Variants in CNR2 observed in about 807,000 individuals in gnomAD.
The protein encoded by CNR2 is cannabinoid receptor 2.
For synonymous variants in CNR2, 172 were observed against 182.2 expected, an observed-to-expected ratio of 0.94 and a Z score of 0.45; for missense variants, 379 against 439.9, an observed-to-expected ratio of 0.86 and a Z score of 1.24.
At chr1:23,904,237 A>T (rs1190626194) in intron 1 of CNR2, among the ~76,000 whole-genome samples, 1 of 142,762 alleles carries the variant, frequency 7.0e-6, no homozygotes. Context: ...CAGTGGTGCG[A>T]TCTCGGCTCA....
chr1:23,895,177 C>T (rs1004988623), intron 1 of CNR2, among the ~76,000 whole-genome samples: 8 of 49,386 alleles, frequency 1.6e-4, no homozygotes, highest in African/African-American at 2.3e-4. Context: ...TCCAAGGTCA[C>T]GCCACTGTGC....
At position 23,875,012 on chromosome 1, in the gene CNR2, A is replaced by C. The variant is rs1209223384; in HGVS notation, c.606T>G (p.Phe202Leu). 1.9e-6 allele frequency: 3 copies of C among 1,609,230 alleles called. No individual in the cohort carries two copies. Among genetic ancestry groups the C allele is most frequent in the Non-Finnish European group, 2.5e-6 (3 of 1,177,826 alleles). ...GCCCATAGGTGTAGATGATTCCGGA[A>C]AAGAGGAAGGCGATGAACAGGAGCC... ...LSWLLFIAFL[F>L]SGIIYTYGHV... is the part of the protein sequence containing the mutation. Residue 202 changes from phenylalanine to leucine, a missense_variant, in exon 2 of 2, where the codon TTT becomes TTG. By Grantham distance (22) the Phe-to-Leu change is conservative (BLOSUM62 0). Coordinates refer to ENST00000374472, the MANE Select transcript of CNR2 (RefSeq NM_001841.3).
At position 23,871,512 on chromosome 1, in the gene CNR2, A is replaced by T. The variant is rs1193093732; in HGVS notation, c.*3023T>A. 1.3e-5 allele frequency: 2 copies of T among 152,276 alleles called. No individual in the cohort carries two copies. Among genetic ancestry groups the T allele is most frequent in the Non-Finnish European group, 2.9e-5 (2 of 68,054 alleles). 9.4% of individuals were successfully genotyped at this position (152,276 alleles called of 1,614,324 possible). A position where few individuals can be genotyped will look rare whatever the true frequency, so the allele number is the denominator to read the frequency against. On this transcript the variant is annotated 3_prime_UTR_variant, in exon 2 of 2. Transcript: ENST00000374472. ...ACATACGTCAGAGCTTTTCAGAAAC[A>T]GTTCAGTTCCACACATATTGACCAG...
chr1:23,902,441 C>T, intron 1 of CNR2: 2 of 1,592,484 alleles, frequency 1.3e-6, no homozygotes, highest in Non-Finnish European at 1.7e-6. Context: ...GGACGATGTA[C>T]TTCTTAGCAG....
intron 1 of CNR2, among the ~76,000 whole-genome samples, chr1:23,898,502 C>T (rs1331682077): frequency 1.0e-4 from 15 of 148,594 alleles, no homozygotes; most frequent in African/African-American, 3.0e-4. Context: ...CCACCACGCC[C>T]GGCTAATTTT....
intron 1 of CNR2, among the ~76,000 whole-genome samples, chr1:23,886,809 G>A (rs531113350): frequency 1.6e-4 from 24 of 152,352 alleles, no homozygotes; most frequent in South Asian, 4.1e-4. Flanking sequence ...CACATATCCC[G>A]AGTCACAAGG....
At chr1:23,881,573 A>C (rs1242906344) in intron 1 of CNR2, among the ~76,000 whole-genome samples, 4 of 150,118 alleles carry the variant, frequency 2.7e-5, no homozygotes, top group Non-Finnish European at 5.9e-5. Context: ...AACAGAGTGA[A>C]ACCCTGTCTC....
intron 1 of CNR2, among the ~76,000 whole-genome samples, chr1:23,903,121 C>T (rs767220102): frequency 3.2e-4 from 49 of 152,056 alleles, no homozygotes; most frequent in Non-Finnish European, 6.6e-4. Context: ...GGGCTGCCAC[C>T]CGTGCCCCTA....
chr1:23,887,568 T>C (rs971491556), intron 1 of CNR2, among the ~76,000 whole-genome samples: 8 of 152,136 alleles, frequency 5.3e-5, no homozygotes, highest in Non-Finnish European at 8.8e-5. Context: ...CATCTGACAA[T>C]GGGACACACA....
intron 1 of CNR2, among the ~76,000 whole-genome samples, chr1:23,896,785 A>G (rs939069686): frequency 6.6e-6 from 1 of 152,096 alleles, no homozygotes; most frequent in Non-Finnish European, 1.5e-5. Context: ...TTAAGGAGAT[A>G]GGAAGGATGC....
intron 1 of CNR2, chr1:23,902,109 C>G (rs1640410334): frequency 3.4e-6 from 5 of 1,464,646 alleles, no homozygotes; most frequent in Admixed American, 3.4e-5. Flanking sequence ...GGGCTCGCCC[C>G]AAAACATGCC....
intron 1 of CNR2, among the ~76,000 whole-genome samples, chr1:23,908,042 G>A (rs183000953): frequency 1.0e-3 from 139 of 139,376 alleles, no homozygotes; most frequent in African/African-American, 3.5e-3. Context: ...CTGCAGTGGC[G>A]TGATCTTGGC....
rs1382764385 is a variant in CNR2, at chr1:23,875,557, G to T, written c.61C>A (p.Pro21Thr). 6.2e-7 allele frequency: 1 copy of T among 1,613,564 alleles called. No homozygotes were observed. The highest frequency in any genetic ancestry group is 1.7e-5 in the Admixed American group (1 of 59,990). Reference protein sequence around the residue: ...NGSKDGLDSNPMKDYMILSGP... With the variant: ...NGSKDGLDSNTMKDYMILSGP... ...CTCAGGATCATGTAATCCTTCATAG[G>T]GTTGGAATCCAAGCCATCCTTGGAG... The change falls in exon 2 of 2, where the codon CCT (proline) becomes ACT (threonine). Residue 21 changes from proline to threonine, a missense_variant. Transcript: ENST00000374472.
At chr1:23,893,932 C>T (rs1376394514) in intron 1 of CNR2, among the ~76,000 whole-genome samples, 1 of 150,938 alleles carries the variant, frequency 6.6e-6, no homozygotes, top group African/African-American at 2.4e-5. Flanking sequence ...GAGACCAGCC[C>T]GGGTAACATG....
chr1:23,904,460 C>A (rs1640455227), intron 1 of CNR2, among the ~76,000 whole-genome samples: 1 of 152,092 alleles, frequency 6.6e-6, no homozygotes, highest in Non-Finnish European at 1.5e-5. Context: ...AAGTGTGAGC[C>A]ACTGCACCTA....
intron 1 of CNR2, among the ~76,000 whole-genome samples, chr1:23,893,380 G>A (rs899346134): frequency 2.0e-5 from 3 of 152,218 alleles, no homozygotes; most frequent in African/African-American, 7.2e-5. Context: ...ATCTCAGGTC[G>A]GCCACTGATA....
At chr1:23,890,745 CAA>C (rs34698652) in intron 1 of CNR2, among the ~76,000 whole-genome samples, 177 of 140,008 alleles carry the variant, frequency 1.3e-3, no homozygotes, top group Middle Eastern at 3.7e-3. Flanking sequence ...GACTCTGTCT[CAA>C]AAAAAAAAAA....
Position 23,886,293 on chromosome 1 carries a change from T to G in CNR2, c.-45-10631A>C, listed in dbSNP as rs1180921140. Among the ~76,000 whole-genome samples the G allele has an allele frequency of 3.3e-5, 5 of 152,172 alleles. No homozygotes were observed. In the East Asian group the frequency reaches 9.7e-4, roughly 29 times the overall value. On this transcript the variant is annotated intron_variant, in intron 1 of 1. Transcript: ENST00000374472. ...ACTTTAAAATTTTTAAGAGGATAGG[T>G]GCTTCTTGCAATCTGCATAACCCCT... is the stretch of plus-strand genomic sequence containing the variant.
chr1:23,894,527 G>A (rs1640245061), intron 1 of CNR2, among the ~76,000 whole-genome samples: 1 of 151,036 alleles, frequency 6.6e-6, no homozygotes, highest in South Asian at 2.1e-4. Context: ...AGTTGGCCAG[G>A]CACAGTGGCT....
Sources: allele counts gnomAD v4.1 joint callset (sites outside exome capture counted in the v4.1 genomes callset), GRCh38; gene constraint gnomAD v4.1.1; transcripts MANE v1.5; gene names NCBI Gene and HGNC (gene_info 2026-07-23, HGNC 2026-07-21).